The following GRM3 variants were observed in gnomAD, a reference collection of about 807,000 sequenced individuals.
The protein encoded by GRM3 is metabotropic glutamate receptor 3.
GRM3 carries 26 observed loss-of-function variants against 70.5 expected under a neutral mutation model. The ratio of observed to expected loss-of-function variants is 0.37; its 90% CI spans 0.27 to 0.51. GRM3 has a LOEUF of 0.51. GRM3 is among the 20% of genes least tolerant of loss of function. The pLI, the probability that GRM3 is intolerant of heterozygous loss-of-function variation, is 0.93. For missense variants in GRM3, 859 were observed against 1,123.8 expected, an observed-to-expected ratio of 0.76 and a Z score of 3.37; for synonymous variants, 443 against 434.9, an observed-to-expected ratio of 1.02 and a Z score of -0.23.
intron 1 of GRM3, among the ~76,000 whole-genome samples, chr7:86,645,942 A>G (rs941071391): frequency 8.1e-6 from 1 of 122,948 alleles, no homozygotes; most frequent in Non-Finnish European, 1.6e-5. Context: ...TGAATTTCTT[A>G]GAACTGTCCA....
At chr7:86,658,475 A>C (rs115192986) in intron 1 of GRM3, among the ~76,000 whole-genome samples, 2 of 152,090 alleles carry the variant, frequency 1.3e-5, no homozygotes, top group African/African-American at 4.8e-5. Flanking sequence ...TTTAAATTCT[A>C]TACTACTTCT....
rs73211645 is a variant in GRM3, at chr7:86,701,928, T to C, written c.-141+57056T>C. 2.2e-4 allele frequency among the ~76,000 whole-genome samples: 34 copies of C among 151,984 alleles called. No homozygotes were observed. In the Middle Eastern group the frequency reaches 0.01, roughly 46 times the overall value. On this transcript the variant is annotated intron_variant, in intron 1 of 5. Transcript: ENST00000361669. ...TACTCTTAAGGTAAGCATATCAGAG[T>C]CAATCCCTACTTCATTACACTAAGG...
intron 1 of GRM3, among the ~76,000 whole-genome samples, chr7:86,736,054 T>G (rs186359526): frequency 7.0e-4 from 107 of 152,338 alleles, no homozygotes; most frequent in African/African-American, 2.4e-3. Flanking sequence ...CCACTGTGTT[T>G]GAAGAAGTCA....
At chr7:86,772,256 T>C (rs1796764123) in intron 2 of GRM3, among the ~76,000 whole-genome samples, 1 of 152,112 alleles carries the variant, frequency 6.6e-6, no homozygotes, top group Non-Finnish European at 1.5e-5. Context: ...GATGTTAACC[T>C]GCTATACTTC....
At chr7:86,828,371 A>G (rs1798286419) in intron 3 of GRM3, among the ~76,000 whole-genome samples, 1 of 152,208 alleles carries the variant, frequency 6.6e-6, no homozygotes, top group African/African-American at 2.4e-5. Flanking sequence ...ATATACAAAT[A>G]CATACACACT....
chr7:86,824,567 T>G (rs1223792377), intron 3 of GRM3, among the ~76,000 whole-genome samples: 1 of 152,172 alleles, frequency 6.6e-6, no homozygotes, highest in African/African-American at 2.4e-5. Flanking sequence ...AACAAGAAGG[T>G]AGGCTAAGAA....
At chr7:86,718,387 G>A (rs879721448) in intron 1 of GRM3, among the ~76,000 whole-genome samples, 1 of 151,938 alleles carries the variant, frequency 6.6e-6, no homozygotes, top group African/African-American at 2.4e-5. Context: ...CATTGAATAA[G>A]AATGATACAT....
intron 1 of GRM3, among the ~76,000 whole-genome samples, chr7:86,754,825 A>G (rs1796306678): frequency 6.6e-6 from 1 of 152,126 alleles, no homozygotes; most frequent in Non-Finnish European, 1.5e-5. Flanking sequence ...ATTAAGCAGC[A>G]CGGGTGTCAC....
At chr7:86,668,002 C>T (rs373442222) in intron 1 of GRM3, among the ~76,000 whole-genome samples, 2 of 152,140 alleles carry the variant, frequency 1.3e-5, no homozygotes, top group East Asian at 3.9e-4. Context: ...CCTTCCTACC[C>T]ACTTCCACCC....
intron 3 of GRM3, among the ~76,000 whole-genome samples, chr7:86,823,627 G>A (rs1457393124): frequency 9.3e-6 from 1 of 107,822 alleles, no homozygotes. Flanking sequence ...ATTAGTGCAT[G>A]CTGGGGGCTG....
intron 2 of GRM3, among the ~76,000 whole-genome samples, chr7:86,780,188 G>A (rs1797009729): frequency 6.6e-6 from 1 of 152,124 alleles, no homozygotes; most frequent in African/African-American, 2.4e-5. Flanking sequence ...AAACATACGT[G>A]TGCATGTGTC....
At chr7:86,785,531 G>A (rs1409687562) in intron 2 of GRM3, among the ~76,000 whole-genome samples, 2 of 151,506 alleles carry the variant, frequency 1.3e-5, no homozygotes, top group Non-Finnish European at 2.9e-5. Flanking sequence ...CAAAAATGAT[G>A]TAAGAATAGA....
chr7:86,839,705 A>T lies in GRM3; in HGVS notation c.2191A>T (p.Asn731Tyr). 1 of 1,614,082 alleles carries T rather than the reference A, an allele frequency of 6.2e-7. No homozygotes were observed. Residue 731 changes from asparagine (N) to tyrosine (Y), a missense_variant, in exon 4 of 6, where the codon AAT becomes TAT. By Grantham distance (143) the Asn-to-Tyr change is moderately radical. Coordinates refer to ENST00000361669, the MANE Select transcript of GRM3 (RefSeq NM_000840.3). The surrounding 1 kb of genome is among the most constrained non-coding windows in gnomAD (Gnocchi z 4.5). Reference sequence around the variant, plus strand: ...GCGGGAAACAGTCATCCTAAAATGCAATGTCAAAGATTCCAGCATGTTGAT... The same window carrying T: ...GCGGGAAACAGTCATCCTAAAATGCTATGTCAAAGATTCCAGCATGTTGAT... ...EKRETVILKC[N>Y]VKDSSMLISL...
chr7:86,683,735 A>T (rs1371686175), intron 1 of GRM3, among the ~76,000 whole-genome samples: 1 of 152,158 alleles, frequency 6.6e-6, no homozygotes, highest in African/African-American at 2.4e-5. Context: ...AGGTCTTAAG[A>T]CAAAGCATAT....
chr7:86,761,987 C>T (rs988865111), intron 1 of GRM3, among the ~76,000 whole-genome samples: 1 of 152,020 alleles, frequency 6.6e-6, no homozygotes, highest in Non-Finnish European at 1.5e-5. Context: ...ACACTTTTTG[C>T]AAAGACACAT....
At chr7:86,700,226 C>G (rs1244879681) in intron 1 of GRM3, among the ~76,000 whole-genome samples, 3 of 151,930 alleles carry the variant, frequency 2.0e-5, no homozygotes, top group East Asian at 3.9e-4. Flanking sequence ...TAGCCAACTA[C>G]TTATTTTAGA....
At chr7:86,658,010 A>T (rs1793790698) in intron 1 of GRM3, among the ~76,000 whole-genome samples, 1 of 152,248 alleles carries the variant, frequency 6.6e-6, no homozygotes. Context: ...AAAATGTAAC[A>T]ATCAAAATTC....
At chr7:86,769,000 T>C (rs1796674058) in intron 2 of GRM3, among the ~76,000 whole-genome samples, 1 of 152,162 alleles carries the variant, frequency 6.6e-6, no homozygotes, top group Non-Finnish European at 1.5e-5. Flanking sequence ...TAATAAGAAT[T>C]CTAAAAAATA....
At chr7:86,654,465 A>C (rs1026834836) in intron 1 of GRM3, among the ~76,000 whole-genome samples, 1 of 152,198 alleles carries the variant, frequency 6.6e-6, no homozygotes, top group African/African-American at 2.4e-5. Flanking sequence ...CTTCTACCTG[A>C]TGATGTCACT....
Sources: gnomAD v4.1 joint callset for allele counts (sites outside exome capture counted in the v4.1 genomes callset) on GRCh38, gnomAD v4.1.1 for gene constraint, Gnocchi (gnomAD v3.1) non-coding constraint, MANE v1.5 for transcripts, NCBI Gene and HGNC (gene_info 2026-07-23, HGNC 2026-07-21) for gene names.